Variants in FBXO11 observed in about 807,000 individuals in gnomAD.
FBXO11 encodes the protein F-box only protein 11.
In FBXO11, 13 loss-of-function variants were observed where a neutral mutation model predicts 117.0. That is an observed-to-expected ratio of 0.11 (90% CI 0.07 to 0.18). FBXO11 has a LOEUF of 0.18. FBXO11 is among the 10% of genes least tolerant of loss of function. The pLI, the probability that FBXO11 is intolerant of heterozygous loss-of-function variation, is 1.00. For missense variants in FBXO11, 767 were observed against 1,164.4 expected (o/e 0.66, Z 4.97); for synonymous variants, 490 against 380.5 (o/e 1.29, Z -3.35).
chr2:47,815,927 T>C (rs1246490898), intron 16 of FBXO11, among the ~76,000 whole-genome samples: 2 of 152,180 alleles, frequency 1.3e-5, no homozygotes, highest in Admixed American at 6.5e-5. Flanking sequence ...CGAGGGCCTT[T>C]TGAAGCCATG....
chr2:47,836,656 C>T (rs541815775), intron 4 of FBXO11, among the ~76,000 whole-genome samples: 2 of 151,724 alleles, frequency 1.3e-5, no homozygotes, highest in Non-Finnish European at 2.9e-5. Flanking sequence ...AATGTAACTG[C>T]GTATGAAAAT....
In FBXO11 at chr2:47,906,007, CG is replaced by C; in HGVS notation, c.-288del. Reference sequence around the variant, plus strand: ...GCCGCGAGGGACGAAGGCAGAAAGACGGGCAGACCGAGAGAAAGAAAGAAAG... The same window carrying C: ...GCCGCGAGGGACGAAGGCAGAAAGACGGCAGACCGAGAGAAAGAAAGAAAG... On this transcript the variant is annotated 5_prime_UTR_variant, in exon 1 of 23. Transcript: ENST00000403359. The C allele has an allele frequency of 3.0e-6, 1 of 333,708 alleles. No individual in the cohort carries two copies. The highest frequency in any genetic ancestry group is 5.1e-5 in the Admixed American group (1 of 19,602). 20.7% of individuals were successfully genotyped at this position (333,708 alleles called of 1,614,324 possible). A position where few individuals can be genotyped will look rare whatever the true frequency, so the allele number is the denominator to read the frequency against.
At chr2:47,900,100 G>C (rs376179785) in intron 1 of FBXO11, among the ~76,000 whole-genome samples, 5 of 152,010 alleles carry the variant, frequency 3.3e-5, no homozygotes, top group African/African-American at 4.8e-5. Context: ...AGAAAAGCAG[G>C]ATAAGAGCTC....
intron 1 of FBXO11, among the ~76,000 whole-genome samples, chr2:47,900,246 T>C (rs1678004190): frequency 1.3e-5 from 2 of 152,276 alleles, no homozygotes; most frequent in South Asian, 2.1e-4. Flanking sequence ...CCATACTTCC[T>C]GCCTCCAAAA....
At chr2:47,831,146 G>C (rs1370986530) in intron 11 of FBXO11, among the ~76,000 whole-genome samples, 1 of 151,846 alleles carries the variant, frequency 6.6e-6, no homozygotes, top group Admixed American at 6.5e-5. Context: ...GCCAGGCGCA[G>C]TGGCTCATGC....
chr2:47,811,486 G>C (rs754886196), intron 18 of FBXO11: 6 of 152,156 alleles, frequency 3.9e-5, no homozygotes. Flanking sequence ...CAAAGTGCTG[G>C]GGTTACAGGC....
chr2:47,821,054 A>G (rs1247178244), intron 13 of FBXO11, among the ~76,000 whole-genome samples: 1 of 152,256 alleles, frequency 6.6e-6, no homozygotes, highest in Admixed American at 6.5e-5. Flanking sequence ...GAAACAATTA[A>G]CTATTAAAAA....
At chr2:47,846,719 TAACATATTAA>T (rs1289328939) in intron 1 of FBXO11, among the ~76,000 whole-genome samples, 27 of 151,644 alleles carry the variant, frequency 1.8e-4, no homozygotes, top group Non-Finnish European at 2.9e-4. Flanking sequence ...TTAATATACT[TAACATATTAA>T]ATCTGAAATA....
intron 13 of FBXO11, among the ~76,000 whole-genome samples, chr2:47,821,202 T>C (rs1671352835): frequency 6.6e-6 from 1 of 152,228 alleles, no homozygotes; most frequent in Non-Finnish European, 1.5e-5. Flanking sequence ...CCAGGCGTGG[T>C]GGCTCATACC....
In FBXO11 at chr2:47,905,790, G is replaced by A; in HGVS notation, c.-70C>T. On this transcript the variant is annotated 5_prime_UTR_variant, in exon 1 of 23. Coordinates refer to ENST00000403359, the MANE Select transcript of FBXO11 (RefSeq NM_001190274.2). Reference sequence around the variant, plus strand: ...CACACGCACAGCGAGCTTCGGGGCAGGAGAAAGGGGTGGGGAGAGTGGGAG... The same window carrying A: ...CACACGCACAGCGAGCTTCGGGGCAAGAGAAAGGGGTGGGGAGAGTGGGAG... 4.5e-6 allele frequency: 6 copies of A among 1,347,166 alleles called. No individual in the cohort carries two copies. Among genetic ancestry groups the A allele is most frequent in the East Asian group, 4.4e-5 (1 of 22,802 alleles). 83.5% of individuals were successfully genotyped at this position (1,347,166 alleles called of 1,614,324 possible). A position where few individuals can be genotyped will look rare whatever the true frequency, so the allele number is the denominator to read the frequency against.
chr2:47,876,206 TG>T (rs1449325645), intron 1 of FBXO11, among the ~76,000 whole-genome samples: 2 of 151,598 alleles, frequency 1.3e-5, no homozygotes, highest in Non-Finnish European at 3.0e-5. Flanking sequence ...TGCTACTTTT[TG>T]GGAACAAAGC....
intron 1 of FBXO11, among the ~76,000 whole-genome samples, chr2:47,894,628 T>G (rs959611420): frequency 6.6e-6 from 1 of 152,152 alleles, no homozygotes; most frequent in African/African-American, 2.4e-5. Context: ...GAAATCAAAG[T>G]GATATTAAGT....
chr2:47,827,983 A>T (rs1307700121), intron 11 of FBXO11, among the ~76,000 whole-genome samples: 1 of 152,010 alleles, frequency 6.6e-6, no homozygotes, highest in Non-Finnish European at 1.5e-5. Flanking sequence ...AGAGCTACCA[A>T]GCCCGGCTGA....
chr2:47,814,223 A>G (rs1416071407), intron 16 of FBXO11: 2 of 207,204 alleles, frequency 9.7e-6, no homozygotes, highest in Non-Finnish European at 2.0e-5. Context: ...CGAGTATTGC[A>G]ATAAAGAGAG....
At chr2:47,836,091 CA>C (rs1672538058) in intron 4 of FBXO11, 90 bp from the exon 5 acceptor site, 2 of 882,840 alleles carry the variant, frequency 2.3e-6, no homozygotes, top group South Asian at 2.2e-5. Context: ...TTTGAGGCCT[CA>C]AAAACTTGAG....
intron 1 of FBXO11, among the ~76,000 whole-genome samples, chr2:47,891,101 G>C (rs1677230532): frequency 6.6e-6 from 1 of 152,002 alleles, no homozygotes; most frequent in African/African-American, 2.4e-5. Flanking sequence ...TGGGATTACA[G>C]GCATGAGCCA....
chr2:47,857,588 T>C (rs537153072), intron 1 of FBXO11, among the ~76,000 whole-genome samples: 38 of 152,260 alleles, frequency 2.5e-4, no homozygotes, highest in Non-Finnish European at 4.7e-4. Context: ...GGGGGGTAGA[T>C]TTCATAGCAG....
intron 18 of FBXO11, 144 bp from the exon 19 acceptor site, chr2:47,810,570 A>C: frequency 1.8e-6 from 1 of 559,946 alleles, no homozygotes. Flanking sequence ...AAACAAGTTT[A>C]TTAGCAATTC....
chr2:47,810,631 C>G, intron 18 of FBXO11: 1 of 460,766 alleles, frequency 2.2e-6, no homozygotes, highest in Non-Finnish European at 3.8e-6. Flanking sequence ...TAAGAGCATT[C>G]TGACCAATAA....
Sources: gnomAD v4.1 joint callset for allele counts (sites outside exome capture counted in the v4.1 genomes callset) on GRCh38, gnomAD v4.1.1 for gene constraint, MANE v1.5 for transcripts, NCBI Gene and HGNC (gene_info 2026-07-23, HGNC 2026-07-21) for gene names.